USP12: variants seen among roughly 807,000 people sequenced by gnomAD.
USP12 encodes ubiquitin specific peptidase 12, also known as ubiquitin carboxyl-terminal hydrolase 12.
A neutral mutation model predicts 45.5 loss-of-function variants in USP12; 19 were observed. That is an observed-to-expected ratio of 0.42 (90% confidence interval 0.29 to 0.61). USP12 has a LOEUF of 0.61. Ranked by LOEUF, USP12 falls within the 20% of genes least tolerant of loss-of-function variation. The pLI, the probability that USP12 is intolerant of heterozygous loss-of-function variation, is 0.22. For synonymous variants in USP12, 149 were observed against 148.8 expected, an observed-to-expected ratio of 1.00 and a Z score of -0.01; for missense variants, 242 against 447.7, an observed-to-expected ratio of 0.54 and a Z score of 4.15.
chr13:27,131,765 A>T (rs1014130672), intron 1 of USP12, among the ~76,000 whole-genome samples: 1 of 152,238 alleles, frequency 6.6e-6, no homozygotes, highest in Non-Finnish European at 1.5e-5. Context: ...TGTAAAACTC[A>T]AAGTATTATT....
chr13:27,128,302 A>AG, intron 1 of USP12, among the ~76,000 whole-genome samples: 1 of 152,232 alleles, frequency 6.6e-6, no homozygotes, highest in Non-Finnish European at 1.5e-5. Context: ...TTTTCCAAGA[A>AG]CCACTCTGTC....
At chr13:27,123,504 G>A (rs1243134766) in intron 1 of USP12, among the ~76,000 whole-genome samples, 2 of 152,252 alleles carry the variant, frequency 1.3e-5, no homozygotes, top group Non-Finnish European at 2.9e-5. Flanking sequence ...ATATAGTTTG[G>A]CTGTGTCCCC....
intron 1 of USP12, chr13:27,170,077 A>G (rs772280146): frequency 1.1e-5 from 4 of 374,650 alleles, no homozygotes; most frequent in Non-Finnish European, 1.9e-5. Flanking sequence ...TCTAAAAATA[A>G]TTAGCCCAAA....
chr13:27,148,986 C>T (rs1164583585), intron 1 of USP12, among the ~76,000 whole-genome samples: 1 of 152,044 alleles, frequency 6.6e-6, no homozygotes, highest in Admixed American at 6.5e-5. Context: ...AGTTCAAGAC[C>T]AGCCTGGGCA....
intron 1 of USP12, among the ~76,000 whole-genome samples, 195 bp downstream of exon 1, chr13:27,171,397 G>C (rs1236070329): frequency 6.9e-6 from 1 of 145,924 alleles, no homozygotes; most frequent in African/African-American, 2.5e-5. Flanking sequence ...CTCCCCAGCC[G>C]CCTGGGCCGC....
At chr13:27,170,977 G>T (rs1878567921) in intron 1 of USP12, among the ~76,000 whole-genome samples, 1 of 152,182 alleles carries the variant, frequency 6.6e-6, no homozygotes. Context: ...GCGGGGTCGG[G>T]GACTCGGCCC....
chr13:27,074,180 C>T (rs1389244537), intron 7 of USP12, among the ~76,000 whole-genome samples: 1 of 152,124 alleles, frequency 6.6e-6, no homozygotes, highest in African/African-American at 2.4e-5. Context: ...GCGGGCAGAT[C>T]ACGAGGTCAG....
chr13:27,132,328 G>C (rs1876540425), intron 1 of USP12, among the ~76,000 whole-genome samples: 4 of 152,108 alleles, frequency 2.6e-5, no homozygotes, highest in Admixed American at 2.6e-4. Flanking sequence ...AGAAATGTTA[G>C]TAACTTCAAA....
chr13:27,152,103 A>G (rs553267457), intron 1 of USP12, among the ~76,000 whole-genome samples: 1 of 152,314 alleles, frequency 6.6e-6, no homozygotes, highest in East Asian at 1.9e-4. Flanking sequence ...AGATCCTCAA[A>G]AGATTAAACC....
intron 1 of USP12, among the ~76,000 whole-genome samples, chr13:27,157,224 A>G (rs1171688150): frequency 6.6e-6 from 1 of 152,186 alleles, no homozygotes; most frequent in African/African-American, 2.4e-5. Context: ...TTTATTTTCA[A>G]TAAATTTTCT....
chr13:27,107,747 G>A (rs1351123321), intron 2 of USP12, among the ~76,000 whole-genome samples: 1 of 152,136 alleles, frequency 6.6e-6, no homozygotes, highest in Non-Finnish European at 1.5e-5. Flanking sequence ...CTTCTCAAAA[G>A]AAGACATTTA....
intron 6 of USP12, among the ~76,000 whole-genome samples, chr13:27,079,442 T>G (rs1306126442): frequency 6.6e-6 from 1 of 152,086 alleles, no homozygotes; most frequent in Non-Finnish European, 1.5e-5. Context: ...AACTCCCTTC[T>G]CCAGTAGCCC....
chr13:27,075,491 G>T, intron 6 of USP12, 103 bp from the exon 7 acceptor site: 1 of 1,045,984 alleles, frequency 9.6e-7, no homozygotes, highest in Non-Finnish European at 1.4e-6. Context: ...ACAATGGTCA[G>T]TTTTAATAGC....
Position 27,129,872 on chromosome 13 carries a change from G to A in USP12, c.49-13276C>T, listed in dbSNP as rs144387368. On this transcript the variant is annotated intron_variant, in intron 1 of 8. Transcript: ENST00000282344. This position sits in a 1 kb window ranked among gnomAD's most constrained non-coding sequence, Gnocchi z 4.0. ...CTGGCTGCCAACTGGCATGAAGCAC[G>A]GTCACATCCAAAACATACGAGTGGA... Among the ~76,000 whole-genome samples the A allele has an allele frequency of 1.4e-4, 22 of 152,242 alleles. No homozygotes were observed. In the East Asian group the frequency reaches 2.9e-3, roughly 20 times the overall value.
intron 1 of USP12, among the ~76,000 whole-genome samples, chr13:27,154,525 A>G (rs968841061): frequency 6.6e-6 from 1 of 152,218 alleles, no homozygotes; most frequent in African/African-American, 2.4e-5. Flanking sequence ...ATGTTCACTT[A>G]GTACAAAAGG....
At chr13:27,156,306 A>G (rs1158519036) in intron 1 of USP12, among the ~76,000 whole-genome samples, 3 of 152,228 alleles carry the variant, frequency 2.0e-5, no homozygotes, top group Non-Finnish European at 4.4e-5. Flanking sequence ...GAACATGTTA[A>G]ACATCACAAA....
In USP12 at chr13:27,069,309, T is replaced by A; in HGVS notation, c.1087A>T (p.Ile363Phe). The A allele has an allele frequency of 6.2e-7, 1 of 1,612,154 alleles. No homozygotes were observed. Among genetic ancestry groups the A allele is most frequent in the Non-Finnish European group, 8.5e-7 (1 of 1,179,738 alleles). The part of the protein sequence containing the change: ...DISKNSESGY[I>F]LFYQSRD ...CAGTCCCGAGACTGATAGAAAAGGA[T>A]GTAACCAGACTCAGAGTTCTTTGAG... The change falls in exon 9 of 9, where the codon ATC becomes TTC. Residue 363 changes from isoleucine (I) to phenylalanine (F), a missense_variant. This residue lies in a region of USP12 where 94 missense variants were observed against 168.3 expected (regional missense o/e 0.56). Coordinates refer to ENST00000282344, the MANE Select transcript of USP12 (RefSeq NM_182488.4).
chr13:27,075,992 T>C (rs927839511), intron 6 of USP12, among the ~76,000 whole-genome samples: 1 of 138,576 alleles, frequency 7.2e-6, no homozygotes, highest in African/African-American at 2.8e-5. Flanking sequence ...ATCACGCCAC[T>C]GCACTCCAGC....
chr13:27,101,024 T>A (rs1365340028), intron 3 of USP12, among the ~76,000 whole-genome samples: 3 of 152,262 alleles, frequency 2.0e-5, no homozygotes, highest in African/African-American at 4.8e-5. Context: ...TTTTGCTTTT[T>A]AAAAATGTAC....
Sources: allele counts gnomAD v4.1 joint callset (sites outside exome capture counted in the v4.1 genomes callset), GRCh38; gene constraint gnomAD v4.1.1; regional missense constraint gnomAD v4.1.1; non-coding constraint Gnocchi (gnomAD v3.1); transcripts MANE v1.5; gene names NCBI Gene and HGNC (gene_info 2026-07-23, HGNC 2026-07-21).